POU6F2: variants seen among roughly 807,000 people sequenced by gnomAD.
POU6F2 encodes POU domain, class 6, transcription factor 2.
Under a neutral mutation model 71.3 loss-of-function variants are expected in POU6F2, and 31 were observed. That is an observed-to-expected ratio of 0.43 (90% CI 0.33 to 0.59). POU6F2 has a LOEUF of 0.59. Among genes scored for constraint, POU6F2 ranks in the 20% least tolerant of loss-of-function variants. The pLI is 0.04. For missense variants in POU6F2, 783 were observed against 856.8 expected, an observed-to-expected ratio of 0.91 and a Z score of 1.07; for synonymous variants, 347 against 355.7, an observed-to-expected ratio of 0.98 and a Z score of 0.27.
chr7:39,441,754 GCTC>G (rs1379128503), intron 7 of POU6F2, among the ~76,000 whole-genome samples: 10 of 152,314 alleles, frequency 6.6e-5, no homozygotes, highest in African/African-American at 1.9e-4. Context: ...GTTGAAATGA[GCTC>G]CTTAACTGAG....
intron 5 of POU6F2, among the ~76,000 whole-genome samples, chr7:39,341,888 A>C (rs1277662201): frequency 6.6e-6 from 1 of 152,200 alleles, no homozygotes; most frequent in Non-Finnish European, 1.5e-5. Context: ...CAGCCTCATG[A>C]AAATAAACTT....
chr7:39,083,925 G>A (rs1171579365), intron 1 of POU6F2: 1 of 152,156 alleles, frequency 6.6e-6, no homozygotes, highest in East Asian at 1.9e-4. Context: ...AAAGGGGAAA[G>A]GAGCTGTCAT....
At chr7:39,208,519 G>A (rs1012513187) in intron 4 of POU6F2, among the ~76,000 whole-genome samples, 1 of 152,188 alleles carries the variant, frequency 6.6e-6, no homozygotes, top group Non-Finnish European at 1.5e-5. Flanking sequence ...CTGGTCAAAT[G>A]TTAGGGCTTC....
intron 2 of POU6F2, among the ~76,000 whole-genome samples, chr7:39,189,376 G>GTGTT (rs58113907): frequency 0.81 from 121,725 of 151,196 alleles, 49,503 homozygotes; most frequent in East Asian, 0.99. Context: ...TTTTGTTTGT[G>GTGTT]TGTTTGTTTG....
At chr7:39,177,894 A>G (rs769637179) in intron 2 of POU6F2, among the ~76,000 whole-genome samples, 48 of 152,228 alleles carry the variant, frequency 3.2e-4, no homozygotes, top group Non-Finnish European at 2.9e-4. Context: ...ATAAATTCAC[A>G]AGCATAAGTT....
At chr7:39,333,592 G>A (rs1046443946) in intron 4 of POU6F2, among the ~76,000 whole-genome samples, 2 of 152,046 alleles carry the variant, frequency 1.3e-5, no homozygotes, top group African/African-American at 4.8e-5. Context: ...CAAAAAATTA[G>A]CCTGGCACAG....
Position 39,346,545 on chromosome 7 carries a change from T to A in POU6F2, c.972+6530T>A, listed in dbSNP as rs537697533. On this transcript the variant is annotated intron_variant, in intron 5 of 9. Transcript: ENST00000518318. Reference sequence around the variant, plus strand: ...GCTCAGCAAAGAGCCTAGAGCCACATACACTGTCCAGTCCCTTCACTGTTG... The same window carrying A: ...GCTCAGCAAAGAGCCTAGAGCCACAAACACTGTCCAGTCCCTTCACTGTTG... Among the ~76,000 whole-genome samples the A allele has an allele frequency of 3.9e-5, 6 of 152,356 alleles. No homozygotes were observed. In the South Asian group the frequency reaches 1.0e-3, roughly 26 times the overall value.
intron 4 of POU6F2, among the ~76,000 whole-genome samples, chr7:39,310,222 T>C (rs188420386): frequency 9.1e-4 from 138 of 152,320 alleles, no homozygotes; most frequent in Middle Eastern, 3.4e-3. Context: ...ATGGGAAGCC[T>C]TTCAGATCTG....
At chr7:39,015,634 CTA>C (rs936324658) in intron 1 of POU6F2, among the ~76,000 whole-genome samples, 2 of 96,742 alleles carry the variant, frequency 2.1e-5, no homozygotes, top group South Asian at 3.1e-4. Flanking sequence ...ATAGATATAT[CTA>C]TGTTATATAT....
chr7:39,393,246 C>A (rs553241889), intron 5 of POU6F2, among the ~76,000 whole-genome samples: 68 of 152,248 alleles, frequency 4.5e-4, no homozygotes, highest in African/African-American at 1.6e-3. Context: ...CTTTCCGTTT[C>A]ATGTACTTAT....
intron 4 of POU6F2, among the ~76,000 whole-genome samples, chr7:39,261,306 C>T (rs73126493): frequency 0.31 from 47,373 of 152,074 alleles, 8,144 homozygotes; most frequent in East Asian, 0.45. Flanking sequence ...CTGAATCCTC[C>T]TTCCTCCATC....
rs376618211 is a variant in POU6F2, at chr7:39,110,975, TCA to T, written c.277+24947_277+24948del. Among the ~76,000 whole-genome samples the T allele has an allele frequency of 2.4e-3, 360 of 152,328 alleles. 2 individuals are homozygous for T. The highest frequency in any genetic ancestry group is 8.3e-3 in the African/African-American group (344 of 41,596). The stretch of plus-strand genomic sequence containing the variant: ...AGTGGATTTTGTAAGAAATAGTATG[TCA>T]CAGAATTATATGTGTAAAAAATTTT... On this transcript the variant is annotated intron_variant, in intron 2 of 9. Transcript: ENST00000518318.
chr7:39,073,645 C>T (rs1790935927), intron 1 of POU6F2, among the ~76,000 whole-genome samples: 1 of 152,240 alleles, frequency 6.6e-6, no homozygotes, highest in African/African-American at 2.4e-5. Context: ...GCGCTGGGCG[C>T]AGCCGTGTAC....
chr7:39,447,677 C>T (rs1788556302), intron 7 of POU6F2, among the ~76,000 whole-genome samples: 1 of 152,116 alleles, frequency 6.6e-6, no homozygotes. Flanking sequence ...AAAACATCTG[C>T]CTTTATAGAA....
intron 2 of POU6F2, among the ~76,000 whole-genome samples, chr7:39,101,073 CTTTT>C (rs34648607): frequency 8.6e-5 from 10 of 115,786 alleles, no homozygotes; most frequent in Admixed American, 1.8e-4. Context: ...TAAGTGTATT[CTTTT>C]TTTTTTTTTT....
chr7:39,306,130 G>T (rs1260269457), intron 4 of POU6F2, among the ~76,000 whole-genome samples: 2 of 152,084 alleles, frequency 1.3e-5, no homozygotes, highest in Admixed American at 1.3e-4. Context: ...TAGAAACCAG[G>T]TTCACAAATC....
intron 1 of POU6F2, among the ~76,000 whole-genome samples, chr7:39,021,383 G>A (rs1244453144): frequency 6.6e-6 from 1 of 151,286 alleles, no homozygotes; most frequent in Non-Finnish European, 1.5e-5. Flanking sequence ...TTTTTCTAAT[G>A]GCAAGATCGA....
intron 2 of POU6F2, among the ~76,000 whole-genome samples, chr7:39,089,128 A>G (rs1791313797): frequency 6.6e-6 from 1 of 152,188 alleles, no homozygotes; most frequent in Non-Finnish European, 1.5e-5. Flanking sequence ...TTATAAAGTA[A>G]TTACATCAGT....
intron 1 of POU6F2, among the ~76,000 whole-genome samples, chr7:38,998,818 T>A (rs1788815817): frequency 1.0e-5 from 1 of 99,568 alleles, no homozygotes; most frequent in Non-Finnish European, 2.2e-5. Flanking sequence ...CCCGGCTAAT[T>A]TTTTTTTTTT....
Sources: gnomAD v4.1 joint callset for allele counts (sites outside exome capture counted in the v4.1 genomes callset) on GRCh38, gnomAD v4.1.1 for gene constraint, MANE v1.5 for transcripts, NCBI Gene and HGNC (gene_info 2026-07-23, HGNC 2026-07-21) for gene names.